TSEN2: variants seen among roughly 807,000 people sequenced by gnomAD.
TSEN2 encodes the protein tRNA splicing endonuclease subunit 2, also known as tRNA-splicing endonuclease subunit Sen2.
A neutral mutation model predicts 59.2 loss-of-function variants in TSEN2; 54 were observed. That is an observed-to-expected ratio of 0.91 (90% CI 0.73 to 1.14). TSEN2 has a LOEUF of 1.14. TSEN2 is among the 50% of genes most tolerant of loss of function. The pLI is 0.00. For missense variants in TSEN2, 636 were observed against 576.2 expected (o/e 1.10, Z -1.06); for synonymous variants, 195 against 198.2 (o/e 0.98, Z 0.14).
intron 3 of TSEN2, among the ~76,000 whole-genome samples, chr3:12,495,572 G>A (rs1039185028): frequency 1.3e-5 from 2 of 152,140 alleles, no homozygotes; most frequent in African/African-American, 2.4e-5. Context: ...CAACCTAATC[G>A]GATAGACTTT....
chr3:12,508,661 G>A (rs2055094352), intron 6 of TSEN2, among the ~76,000 whole-genome samples: 1 of 152,166 alleles, frequency 6.6e-6, no homozygotes, highest in South Asian at 2.1e-4. Context: ...CCTTGTAGGG[G>A]TGTTTTCATG....
intron 7 of TSEN2, among the ~76,000 whole-genome samples, chr3:12,517,764 G>T (rs535934064): frequency 6.6e-6 from 1 of 152,032 alleles, no homozygotes; most frequent in African/African-American, 2.4e-5. Flanking sequence ...GCTTCCTCTC[G>T]CGGGCCTTAG....
At chr3:12,490,060 T>C (rs201983180) in intron 2 of TSEN2, 71 bp downstream of exon 2, 716 of 1,391,670 alleles carry the variant, frequency 5.1e-4, no homozygotes, top group East Asian at 8.7e-4. Context: ...CTTCTCCCCA[T>C]CCCAGCCATA....
At chr3:12,482,667 C>G (rs1002672852), upstream of TSEN2, among the ~76,000 whole-genome samples, 3 of 152,004 alleles carry the variant, frequency 2.0e-5, no homozygotes, top group Non-Finnish European at 4.4e-5. Flanking sequence ...AGACCTGGCT[C>G]TAGTCTCAGC....
downstream of TSEN2, among the ~76,000 whole-genome samples, chr3:12,536,772 G>C (rs1472208790): frequency 1.3e-5 from 2 of 152,050 alleles, no homozygotes; most frequent in African/African-American, 4.8e-5. Context: ...AGGCCGAGAC[G>C]GGTGGATTGC....
downstream of TSEN2, among the ~76,000 whole-genome samples, chr3:12,535,071 A>T (rs1463211688): frequency 1.3e-5 from 2 of 152,208 alleles, no homozygotes; most frequent in Non-Finnish European, 2.9e-5. Flanking sequence ...CTTTATTGTT[A>T]CAACGTATTT....
At chr3:12,527,772 G>T (rs966936589) in intron 8 of TSEN2, among the ~76,000 whole-genome samples, 5 of 152,140 alleles carry the variant, frequency 3.3e-5, no homozygotes, top group Admixed American at 3.3e-4. Flanking sequence ...CTTCCTGGTG[G>T]CTCCCAGTCT....
Position 12,532,738 on chromosome 3 carries a change from T to G in TSEN2, c.*17T>G. The G allele has an allele frequency of 6.2e-7, 1 of 1,613,670 alleles. No individual in the cohort carries two copies. The highest frequency in any genetic ancestry group is 8.5e-7 in the Non-Finnish European group (1 of 1,179,564). On this transcript the variant is annotated 3_prime_UTR_variant, in exon 12 of 12. Transcript: ENST00000284995. Reference sequence around the variant, plus strand: ...GATCTTTAACAATTCAACCTCAAATTTCTAATTTCACCAACAACTATTTAT... The same window carrying G: ...GATCTTTAACAATTCAACCTCAAATGTCTAATTTCACCAACAACTATTTAT...
intron 8 of TSEN2, 24 bp from the exon 9 acceptor site, chr3:12,528,864 C>T: frequency 6.2e-7 from 1 of 1,612,958 alleles, no homozygotes; most frequent in Non-Finnish European, 8.5e-7. Flanking sequence ...GGTTATACTT[C>T]TTTTTTTTCT....
intron 3 of TSEN2, among the ~76,000 whole-genome samples, chr3:12,492,733 C>T (rs545670324): frequency 6.6e-6 from 1 of 152,220 alleles, no homozygotes; most frequent in East Asian, 1.9e-4. Context: ...AGAAAATATA[C>T]AGATTAAAAC....
chr3:12,525,409 T>C (rs535581586), intron 8 of TSEN2, among the ~76,000 whole-genome samples: 16 of 152,360 alleles, frequency 1.1e-4, no homozygotes, highest in African/African-American at 3.1e-4. Context: ...AAGTATAATC[T>C]AATAATTATA....
chr3:12,527,600 A>C (rs1439482343), intron 8 of TSEN2, among the ~76,000 whole-genome samples: 1 of 152,070 alleles, frequency 6.6e-6, no homozygotes, highest in Non-Finnish European at 1.5e-5. Context: ...AACAGCTTAC[A>C]GATGTAATTG....
At chr3:12,492,091 T>G in intron 2 of TSEN2, 45 bp from the exon 3 acceptor site, 1 of 1,541,560 alleles carries the variant, frequency 6.5e-7, no homozygotes, top group Non-Finnish European at 9.0e-7. Context: ...GCTAAAAAAC[T>G]GGTAACTAAG....
chr3:12,519,578 T>C (rs746091139), intron 8 of TSEN2, among the ~76,000 whole-genome samples: 5 of 152,090 alleles, frequency 3.3e-5, no homozygotes, highest in African/African-American at 4.8e-5. Context: ...ACCCCTTCTC[T>C]ACTAAAAAAT....
chr3:12,531,677 A>C lies in TSEN2; in HGVS notation c.1338+18A>C. The C allele has an allele frequency of 6.8e-7, 1 of 1,466,744 alleles. No individual in the cohort carries two copies. The highest frequency in any genetic ancestry group is 9.6e-7 in the Non-Finnish European group (1 of 1,045,940). The allele number at this position is 1,466,744 out of a possible 1,614,324, so 90.9% of individuals were successfully genotyped here. The stretch of plus-strand genomic sequence containing the variant: ...AAGTTCAGGTGGGTAAACTCAGAGA[A>C]ATTCATGTCATCCCAAAGATTCTGT... On this transcript the variant is annotated intron_variant, in intron 11 of 11. Coordinates refer to ENST00000284995, the MANE Select transcript of TSEN2 (RefSeq NM_025265.4).
downstream of TSEN2, among the ~76,000 whole-genome samples, chr3:12,537,966 C>T (rs2057715936): frequency 1.3e-5 from 2 of 152,118 alleles, no homozygotes; most frequent in Admixed American, 1.3e-4. Context: ...AATTGGAATT[C>T]TTTCATCTTT....
chr3:12,485,388 T>C (rs1408497499), intron 1 of TSEN2, among the ~76,000 whole-genome samples: 7 of 106,524 alleles, frequency 6.6e-5, no homozygotes, highest in Admixed American at 3.3e-4. Context: ...AGTAAGAATA[T>C]GCAGCTCTGG....
chr3:12,531,568 A>G lies in TSEN2; in HGVS notation c.1249-2A>G. The stretch of plus-strand genomic sequence containing the variant: ...CAGAAGTGGTTTTTCATTTCTCAAT[A>G]GGAACTTATGCTGTGCTATTTGATT... On this transcript the variant is annotated splice_acceptor_variant, in intron 10 of 11. Coordinates refer to ENST00000284995, the MANE Select transcript of TSEN2 (RefSeq NM_025265.4). LOFTEE classifies it high-confidence loss of function. The G allele has an allele frequency of 1.2e-6, 2 of 1,601,316 alleles. No individual in the cohort carries two copies. The highest frequency in any genetic ancestry group is 1.7e-5 in the Admixed American group (1 of 60,004).
At chr3:12,516,444 ATATGTGTGTGTG>A (rs1472351609) in intron 6 of TSEN2, among the ~76,000 whole-genome samples, 155 bp from the exon 7 acceptor site, 3 of 51,566 alleles carry the variant, frequency 5.8e-5, no homozygotes, top group African/African-American at 2.6e-4. Flanking sequence ...CAAACAAAAT[ATATGTGTGTGTG>A]TGTGTGTGTG....
Sources: allele counts gnomAD v4.1 joint callset (sites outside exome capture counted in the v4.1 genomes callset), GRCh38; gene constraint gnomAD v4.1.1; transcripts MANE v1.5; gene names NCBI Gene and HGNC (gene_info 2026-07-23, HGNC 2026-07-21).